CEP97: variants seen among roughly 807,000 people sequenced by gnomAD.
The protein encoded by CEP97 is centrosomal protein 97.
A neutral mutation model predicts 73.1 loss-of-function variants in CEP97; 43 were observed. The ratio of observed to expected loss-of-function variants is 0.59; its 90% CI spans 0.46 to 0.76. The LOEUF (loss-of-function observed/expected upper bound fraction) is 0.76, where lower values mean the gene tolerates loss of function less well. Ranked by LOEUF, CEP97 falls within the 30% of genes least tolerant of loss-of-function variation. CEP97 has a pLI of 0.00. For synonymous variants in CEP97, 337 were observed against 370.0 expected, an observed-to-expected ratio of 0.91 and a Z score of 1.02; for missense variants, 939 against 1,014.0, an observed-to-expected ratio of 0.93 and a Z score of 1.00.
At chr3:101,725,876 T>TG (rs1322429615) in intron 1 of CEP97, among the ~76,000 whole-genome samples, 1 of 133,756 alleles carries the variant, frequency 7.5e-6, no homozygotes, top group East Asian at 2.1e-4. Flanking sequence ...TTTTTTTTTT[T>TG]GTTTTTTTTT....
intron 6 of CEP97, among the ~76,000 whole-genome samples, chr3:101,739,251 GCTGGTA>G (rs1938371695): frequency 6.6e-6 from 1 of 152,160 alleles, no homozygotes; most frequent in African/African-American, 2.4e-5. Context: ...ACAAAGAGGA[GCTGGTA>G]CTATTCCTTC....
rs568177945 is a variant in CEP97 at position 101,729,965 on chromosome 3, T to C, written c.447+1028T>C. Among the ~76,000 whole-genome samples the C allele has an allele frequency of 8.6e-5, 13 of 151,904 alleles. No individual in the cohort carries two copies. The East Asian group carries it at 2.5e-3, about 30-fold the overall frequency. ...GATTATAGGCGCCCACCACCACACC[T>C]GGCTAATTTTTTGTATTTTTAGTAG... On this transcript the variant is annotated intron_variant, in intron 4 of 10. Coordinates refer to ENST00000341893, the MANE Select transcript of CEP97 (RefSeq NM_024548.4).
intron 3 of CEP97, among the ~76,000 whole-genome samples, chr3:101,728,338 C>T (rs1399002947): frequency 6.6e-6 from 1 of 151,256 alleles, no homozygotes; most frequent in Admixed American, 6.6e-5. Context: ...TGGCTCACTG[C>T]AACCTCTGCC....
At position 101,768,917 on chromosome 3, in the gene CEP97, G is replaced by T. The variant is rs1939386804; in HGVS notation, c.*3366G>T. On this transcript the variant is annotated 3_prime_UTR_variant, in exon 11 of 11. Transcript: ENST00000341893. ...GATTTTATAGGTTTAATTATAAAAG[G>T]CTTCACAATATGCATGTTTTAGGAA... 6.6e-6 allele frequency: 1 copy of T among 152,148 alleles called. No homozygotes were observed. Among genetic ancestry groups the T allele is most frequent in the Non-Finnish European group, 1.5e-5 (1 of 68,030 alleles). 9.4% of individuals were successfully genotyped at this position (152,148 alleles called of 1,614,324 possible).
At chr3:101,726,549 GT>G in intron 1 of CEP97, 44 bp from the exon 2 acceptor site, 1 of 1,503,112 alleles carries the variant, frequency 6.7e-7, no homozygotes, top group South Asian at 1.3e-5. Flanking sequence ...TGTTGTACAT[GT>G]TTTATTTTAT....
At chr3:101,743,544 C>T (rs1938520281) in intron 6 of CEP97, among the ~76,000 whole-genome samples, 2 of 152,034 alleles carry the variant, frequency 1.3e-5, no homozygotes, top group Admixed American at 1.3e-4. Flanking sequence ...TATAGGCACA[C>T]ACCACTGTGC....
intron 3 of CEP97, among the ~76,000 whole-genome samples, chr3:101,728,295 T>C (rs1445877531): frequency 1.3e-5 from 2 of 151,688 alleles, no homozygotes; most frequent in East Asian, 3.9e-4. Context: ...GTTTTGCTCT[T>C]ATTGTCCAGG....
At chr3:101,740,228 A>G (rs1938406940) in intron 6 of CEP97, among the ~76,000 whole-genome samples, 1 of 152,158 alleles carries the variant, frequency 6.6e-6, no homozygotes, top group Non-Finnish European at 1.5e-5. Context: ...GGAAAACCCC[A>G]TTGTTCCAGC....
chr3:101,736,783 T>C (rs1938292708), intron 6 of CEP97, among the ~76,000 whole-genome samples: 1 of 152,172 alleles, frequency 6.6e-6, no homozygotes, highest in African/African-American at 2.4e-5. Flanking sequence ...ACCAGAGTGC[T>C]TCTTCTCCCG....
At chr3:101,742,675 G>T (rs758890767) in intron 6 of CEP97, among the ~76,000 whole-genome samples, 1 of 151,008 alleles carries the variant, frequency 6.6e-6, no homozygotes, top group Non-Finnish European at 1.5e-5. Context: ...CATGGCATGC[G>T]TATACCTATG....
At chr3:101,757,038 T>TAA in intron 7 of CEP97, 25 bp from the exon 8 acceptor site, 1 of 1,580,612 alleles carries the variant, frequency 6.3e-7, no homozygotes, top group African/African-American at 1.4e-5. Context: ...TGTGTTAAAT[T>TAA]AGACCAGGTA....
At chr3:101,727,580 T>TA in intron 3 of CEP97, 39 bp downstream of exon 3, 33 of 1,534,602 alleles carry the variant, frequency 2.2e-5, no homozygotes, top group East Asian at 7.0e-5. Context: ...CTATTCTGCG[T>TA]AAAAAAAATT....
At chr3:101,738,419 T>C (rs1938349598) in intron 6 of CEP97, among the ~76,000 whole-genome samples, 1 of 152,206 alleles carries the variant, frequency 6.6e-6, no homozygotes, top group South Asian at 2.1e-4. Flanking sequence ...ATCACACTTA[T>C]TCTAAAATTG....
intron 6 of CEP97, among the ~76,000 whole-genome samples, chr3:101,741,264 A>G (rs1163134497): frequency 6.6e-6 from 1 of 152,200 alleles, no homozygotes; most frequent in Non-Finnish European, 1.5e-5. Context: ...ACAAAAATTA[A>G]CTCAAGATGG....
At chr3:101,755,707 C>T (rs1373640530) in intron 7 of CEP97, 113 bp downstream of exon 7, 4 of 997,884 alleles carry the variant, frequency 4.0e-6, no homozygotes, top group Non-Finnish European at 6.1e-6. Context: ...TTTCTGGACA[C>T]TCAGTCCCCT....
chr3:101,757,003 G>T (rs1366363047), intron 7 of CEP97, 60 bp from the exon 8 acceptor site: 6 of 1,457,140 alleles, frequency 4.1e-6, no homozygotes, highest in Middle Eastern at 1.8e-4. Context: ...TACCTAGGAA[G>T]CAGAAAATCT....
intron 10 of CEP97, chr3:101,763,122 C>T: frequency 8.5e-7 from 1 of 1,183,236 alleles, no homozygotes; most frequent in Non-Finnish European, 1.1e-6. Context: ...TGGGGTCTTG[C>T]CATATTGCCC....
In CEP97 at chr3:101,749,258, C is replaced by T. The variant is rs565153137; in HGVS notation, c.729-6172C>T. On this transcript the variant is annotated intron_variant, in intron 6 of 10. Transcript: ENST00000341893. ...GAACATGCGGTGTTTGGATTTTTGTCCTTGTGATAGTTTACTGAGAATGAT... is the reference window on the plus strand; with the variant it reads ...GAACATGCGGTGTTTGGATTTTTGTTCTTGTGATAGTTTACTGAGAATGAT... Among the ~76,000 whole-genome samples, 11 of 151,230 alleles carry T rather than the reference C, an allele frequency of 7.3e-5. No individual in the cohort carries two copies. The South Asian group carries it at 2.1e-3, about 29-fold the overall frequency.
chr3:101,728,787 T>G (rs1455736363), intron 3 of CEP97, 49 bp from the exon 4 acceptor site: 1 of 1,194,296 alleles, frequency 8.4e-7, no homozygotes, highest in Non-Finnish European at 1.2e-6. Flanking sequence ...AATAATTTTA[T>G]TTTTTGATTT....
Sources: gnomAD v4.1 joint callset for allele counts (sites outside exome capture counted in the v4.1 genomes callset) on GRCh38, gnomAD v4.1.1 for gene constraint, MANE v1.5 for transcripts, NCBI Gene and HGNC (gene_info 2026-07-23, HGNC 2026-07-21) for gene names.